Variants in PCDHA8 observed in about 807,000 individuals in gnomAD.
The protein encoded by PCDHA8 is protocadherin alpha 8.
PCDHA8 carries 53 observed loss-of-function variants against 61.8 expected under a neutral mutation model. The ratio of observed to expected loss-of-function variants is 0.86; its 90% CI spans 0.69 to 1.08. The LOEUF (loss-of-function observed/expected upper bound fraction) is 1.08. Among genes scored for constraint, PCDHA8 ranks in the 50% least tolerant of loss-of-function variants. The probability of loss-of-function intolerance (pLI) is 0.00; values close to 1 mark genes in which losing one functional copy is unlikely to be tolerated. For synonymous variants in PCDHA8, 618 were observed against 556.6 expected (o/e 1.11, Z -1.55); for missense variants, 1,293 against 1,245.0 (o/e 1.04, Z -0.58).
chr5:140,850,793 G>C (rs1232565289), intron 1 of PCDHA8: 2 of 1,598,464 alleles, frequency 1.3e-6, no homozygotes, highest in Non-Finnish European at 1.7e-6. Flanking sequence ...GTAAGCAGAA[G>C]ACCGACCTCA....
At chr5:140,869,126 G>C in intron 1 of PCDHA8, 1 of 1,611,852 alleles carries the variant, frequency 6.2e-7, no homozygotes, top group African/African-American at 1.3e-5. Context: ...CAGAGAAGGG[G>C]ATTGGGCACC....
chr5:140,965,121 T>G (rs1454584682), intron 1 of PCDHA8, among the ~76,000 whole-genome samples: 6 of 152,178 alleles, frequency 3.9e-5, no homozygotes, highest in African/African-American at 1.4e-4. Flanking sequence ...TAGAGGAAGA[T>G]CTACAGATGA....
chr5:140,964,857 CAA>C (rs1352009406), intron 1 of PCDHA8, among the ~76,000 whole-genome samples: 5 of 152,088 alleles, frequency 3.3e-5, no homozygotes, highest in Admixed American at 3.3e-4. Context: ...CTTGAGGAAA[CAA>C]AGAGGACAAA....
At chr5:140,855,343 C>A (rs2043435489) in intron 1 of PCDHA8, among the ~76,000 whole-genome samples, 1 of 149,746 alleles carries the variant, frequency 6.7e-6, no homozygotes, top group African/African-American at 2.5e-5. Context: ...ACGATTTTCC[C>A]AAGTCATGTG....
At chr5:140,870,543 C>T (rs1554164396) in intron 1 of PCDHA8, 6 of 1,614,114 alleles carry the variant, frequency 3.7e-6, no homozygotes, top group South Asian at 1.1e-5. Context: ...CGGCGCGGGA[C>T]GCGGACGCGC....
rs577022008 is a variant in PCDHA8, at chr5:140,921,827, C to T, written c.2395-57122C>T. Among the ~76,000 whole-genome samples, 6 of 151,924 alleles carry T rather than the reference C, an allele frequency of 3.9e-5. No homozygotes were observed. In the South Asian group the frequency reaches 1.2e-3, roughly 32 times the overall value. On this transcript the variant is annotated intron_variant, in intron 1 of 3. Coordinates refer to ENST00000531613, the MANE Select transcript of PCDHA8 (RefSeq NM_018911.3). Reference sequence around the variant, plus strand: ...TAAGATACATGTGTGAATATCTATACACATATAGACATATTTATAGATGTG... The same window carrying T: ...TAAGATACATGTGTGAATATCTATATACATATAGACATATTTATAGATGTG...
intron 3 of PCDHA8, chr5:140,989,125 T>G (rs2097330563): frequency 6.6e-6 from 1 of 152,152 alleles, no homozygotes; most frequent in Non-Finnish European, 1.5e-5. Context: ...CTTAGAAAAA[T>G]AAGACACTTT....
intron 1 of PCDHA8, among the ~76,000 whole-genome samples, chr5:140,845,529 C>T (rs1215652853): frequency 6.7e-6 from 1 of 149,420 alleles, no homozygotes; most frequent in Non-Finnish European, 1.5e-5. Context: ...TAATACTTTT[C>T]ACTATTCTAA....
At chr5:140,960,763 C>A (rs1424215578) in intron 1 of PCDHA8, among the ~76,000 whole-genome samples, 1 of 151,896 alleles carries the variant, frequency 6.6e-6, no homozygotes, top group Non-Finnish European at 1.5e-5. Flanking sequence ...CCAAGAGTTA[C>A]AGAGGAGAAA....
chr5:140,850,009 C>T (rs2150463255), intron 1 of PCDHA8: 11 of 1,596,964 alleles, frequency 6.9e-6, no homozygotes, highest in Non-Finnish European at 9.4e-6. Flanking sequence ...CGCTCGCTGT[C>T]GAGCTACGTG....
intron 1 of PCDHA8, chr5:140,884,079 A>G (rs2059982825): frequency 5.6e-6 from 9 of 1,613,504 alleles, no homozygotes; most frequent in South Asian, 3.3e-5. Context: ...TCGGGCTACA[A>G]TGCGTGGCTT....
chr5:140,977,484 G>A (rs2096763384), intron 1 of PCDHA8, among the ~76,000 whole-genome samples: 1 of 152,220 alleles, frequency 6.6e-6, no homozygotes. Flanking sequence ...TTTATGCTAT[G>A]TTATATGGAA....
chr5:140,879,479 G>A (rs992823540), intron 1 of PCDHA8, among the ~76,000 whole-genome samples: 10 of 152,196 alleles, frequency 6.6e-5, no homozygotes, highest in Non-Finnish European at 1.3e-4. Context: ...GTTGTGATTG[G>A]AAATATGGGT....
chr5:140,967,963 A>G (rs1554230144), intron 1 of PCDHA8: 1 of 1,614,210 alleles, frequency 6.2e-7, no homozygotes, highest in South Asian at 1.1e-5. Flanking sequence ...CCAACCGGAA[A>G]GTGAGCCTGG....
intron 1 of PCDHA8, chr5:140,966,989 G>A: frequency 5.0e-6 from 8 of 1,604,148 alleles, no homozygotes; most frequent in Non-Finnish European, 6.8e-6. Context: ...CTTGGGGCCG[G>A]GTTGCTTGCG....
At chr5:140,895,437 C>A (rs1250254286) in intron 1 of PCDHA8, among the ~76,000 whole-genome samples, 3 of 152,172 alleles carry the variant, frequency 2.0e-5, no homozygotes, top group Non-Finnish European at 2.9e-5. Context: ...TCCTGAGACT[C>A]TTTTCATGTG....
intron 1 of PCDHA8, chr5:140,864,231 T>C (rs949424981): frequency 6.6e-6 from 1 of 152,222 alleles, no homozygotes; most frequent in East Asian, 1.9e-4. Flanking sequence ...AAGCAAGTTC[T>C]TTATTCCTAT....
chr5:140,993,463 CACACACACACACACA>C (rs2097564014), intron 3 of PCDHA8, among the ~76,000 whole-genome samples: 3 of 7,580 alleles, frequency 4.0e-4, no homozygotes, highest in African/African-American at 2.0e-3. Context: ...CTTTCTTTCT[CACACACACACACACA>C]CACACACACA....
chr5:140,883,862 C>T (rs1467289225), intron 1 of PCDHA8: 3 of 1,613,000 alleles, frequency 1.9e-6, no homozygotes, highest in Non-Finnish European at 1.7e-6. Flanking sequence ...GGAGCTGTTG[C>T]AGTTCCAGGT....
Sources: gnomAD v4.1 joint callset for allele counts (sites outside exome capture counted in the v4.1 genomes callset) on GRCh38, gnomAD v4.1.1 for gene constraint, MANE v1.5 for transcripts, NCBI Gene and HGNC (gene_info 2026-07-23, HGNC 2026-07-21) for gene names.